The following DCHS1 variants were observed in gnomAD, a reference collection of about 807,000 sequenced individuals.
DCHS1 encodes the protein dachsous cadherin-related 1.
In DCHS1, 78 loss-of-function variants were observed where a neutral mutation model predicts 213.9. The ratio of observed to expected loss-of-function variants is 0.36; its 90% CI spans 0.30 to 0.44. The LOEUF is 0.44. Among genes scored for constraint, DCHS1 ranks in the 20% least tolerant of loss-of-function variants. The probability of loss-of-function intolerance (pLI) is 1.00; values close to 1 mark genes in which losing one functional copy is unlikely to be tolerated. For missense variants in DCHS1, 3,946 were observed against 4,395.9 expected, an observed-to-expected ratio of 0.90 and a Z score of 2.89; for synonymous variants, 1,828 against 1,873.7, an observed-to-expected ratio of 0.98 and a Z score of 0.63.
rs775773733 is a variant in DCHS1 at position 6,631,395 on chromosome 11, C to T, written c.3688G>A (p.Val1230Met). Residue 1230 changes from valine (V) to methionine (M), a missense_variant, in exon 8 of 21, where the codon GTG becomes ATG. Physicochemically the swap from Val to Met is conservative, Grantham distance 21. This residue lies in a region of DCHS1 where 3,384 missense variants were observed against 3,780.1 expected (regional missense o/e 0.90). Transcript: ENST00000299441. ...GTCGTCACCAGTGTTCCCGGAGGCA[C>T]GCGGTCTGGTACCTGTGGGAACACA... ...GGLPIQVPDR[V>M]PPGTLVTTLQ... 47 of 1,613,864 alleles carry T rather than the reference C, an allele frequency of 2.9e-5. No homozygotes were observed. Among genetic ancestry groups the T allele is most frequent in the African/African-American group, 1.1e-4 (8 of 74,936 alleles).
rs757447095 is a variant in DCHS1, at chr11:6,626,536, T to G, written c.6364+16A>C. The G allele has an allele frequency of 2.5e-6, 4 of 1,613,210 alleles. No homozygotes were observed. Among genetic ancestry groups the G allele is most frequent in the Non-Finnish European group, 3.4e-6 (4 of 1,179,152 alleles). ...AGTAGCCTGTCCTGCACAGAGCCCC[T>G]GCTCCTATTTCTTACCTGTACTAGG... is the stretch of plus-strand genomic sequence containing the variant. On this transcript the variant is annotated intron_variant, in intron 15 of 20. Coordinates refer to ENST00000299441, the MANE Select transcript of DCHS1 (RefSeq NM_003737.4). This position sits in a 1 kb window ranked among gnomAD's most constrained non-coding sequence, Gnocchi z 5.2.
chr11:6,634,195 C>T lies in DCHS1; in HGVS notation c.1909G>A (p.Asp637Asn). 2 of 1,613,908 alleles carry T rather than the reference C, an allele frequency of 1.2e-6. No individual in the cohort carries two copies. The highest frequency in any genetic ancestry group is 1.7e-6 in the Non-Finnish European group (2 of 1,179,830). Residue 637 changes from aspartate (D) to asparagine (N), a missense_variant, in exon 3 of 21, where the codon GAT becomes AAT. Asp to Asn is a conservative substitution (Grantham distance 23). Around this residue, in one of 3 missense-constraint regions of DCHS1, gnomAD observed 3,384 missense variants for 3,780.1 expected, o/e 0.90. Transcript: ENST00000299441. ...PPFRIDAHSG[D>N]VCTTRTLDRD... is the part of the protein sequence containing the mutation. ...TCCAGGGTCCGGGTTGTGCACACAT[C>T]ACCGCTGTGGGCATCAATGCGGAAT...
rs149077858 is a variant in DCHS1, at chr11:6,631,013, G to A, written c.3930+40C>T. 608 of 1,572,940 alleles carry A rather than the reference G, an allele frequency of 3.9e-4. No individual in the cohort carries two copies. The African/African-American group carries it at 6.6e-3, about 17-fold the overall frequency. ...CCGTGAAGCTGGAGCTACTGAAGGGGACCTACAGCGGTAGCCAAGGGGAGG... is the reference window on the plus strand; with the variant it reads ...CCGTGAAGCTGGAGCTACTGAAGGGAACCTACAGCGGTAGCCAAGGGGAGG... On this transcript the variant is annotated intron_variant, in intron 9 of 20. Transcript: ENST00000299441.
rs1041923763 is a variant in DCHS1, at chr11:6,655,640, C to T, written c.-198G>A. 4.1e-5 allele frequency: 40 copies of T among 978,430 alleles called. No individual in the cohort carries two copies. The highest frequency in any genetic ancestry group is 4.4e-5 in the Non-Finnish European group (36 of 826,670). The allele number at this position is 978,430 out of a possible 1,614,324, so 60.6% of individuals were successfully genotyped here. On this transcript the variant is annotated 5_prime_UTR_variant, in exon 1 of 21. Transcript: ENST00000299441. ...GTCAGCCCCCCGGGCAGCGCCCGCT[C>T]GCGCGGGGCCTGAGGCCGCGCATCG...
At chr11:6,637,233 C>G (rs1855998344) in intron 2 of DCHS1, among the ~76,000 whole-genome samples, 1 of 152,192 alleles carries the variant, frequency 6.6e-6, no homozygotes, top group Non-Finnish European at 1.5e-5. Context: ...ATTGGCACTA[C>G]TGACATTTTG....
Position 6,640,921 on chromosome 11 carries a change from A to G in DCHS1, c.693T>C (p.Gly231=). 1.9e-6 allele frequency: 3 copies of G among 1,613,972 alleles called. No individual in the cohort carries two copies. Among genetic ancestry groups the G allele is most frequent in the Non-Finnish European group, 2.5e-6 (3 of 1,179,876 alleles). The change falls in exon 2 of 21, where the codon GGT becomes GGC. Residue 231 remains glycine, a synonymous_variant. Transcript: ENST00000299441. This position sits in a 1 kb window ranked among gnomAD's most constrained non-coding sequence, Gnocchi z 6.5. ...YMLQLEAYDG[G]SPPRRAQALL... Reference sequence around the variant, plus strand: ...GGGCCTGGGCCCTCCGGGGGGGTGAACCACCATCATAGGCCTCCAGCTGTA... The same window carrying G: ...GGGCCTGGGCCCTCCGGGGGGGTGAGCCACCATCATAGGCCTCCAGCTGTA...
rs189033667 is a variant in DCHS1 at position 6,651,867 on chromosome 11, C to T, written c.-121+3696G>A. On this transcript the variant is annotated intron_variant, in intron 1 of 20. Transcript: ENST00000299441. ...AAGGAATGATGAGATCAGGTTTGCACATGATAAGGGGTCGGTGAGCTATAC... is the reference window on the plus strand; with the variant it reads ...AAGGAATGATGAGATCAGGTTTGCATATGATAAGGGGTCGGTGAGCTATAC... 2.0e-5 allele frequency among the ~76,000 whole-genome samples: 3 copies of T among 151,960 alleles called. No individual in the cohort carries two copies. In the East Asian group the frequency reaches 5.8e-4, roughly 29 times the overall value.
At position 6,629,825 on chromosome 11, in the gene DCHS1, G is replaced by A. The variant is rs1855870859; in HGVS notation, c.4882C>T (p.Pro1628Ser). 1.9e-6 allele frequency: 3 copies of A among 1,612,958 alleles called. No individual in the cohort carries two copies. Among genetic ancestry groups the A allele is most frequent in the Non-Finnish European group, 2.5e-6 (3 of 1,179,888 alleles). The change falls in exon 11 of 21, where the codon CCG (proline) becomes TCG (serine). Residue 1628 changes from proline to serine, a missense_variant. Around this residue, in one of 3 missense-constraint regions of DCHS1, gnomAD observed 3,384 missense variants for 3,780.1 expected, o/e 0.90. Transcript: ENST00000299441. ...TVVASDHGSP[P>S]RSATQVLTVS... Reference sequence around the variant, plus strand: ...GTCAGGACCTGCGTGGCCGAGCGCGGCGGGGAGCCGTGGTCTGAGGCCACC... The same window carrying A: ...GTCAGGACCTGCGTGGCCGAGCGCGACGGGGAGCCGTGGTCTGAGGCCACC...
Position 6,640,210 on chromosome 11 carries a change from A to C in DCHS1, c.1404T>G (p.Asn468Lys). 1 of 1,613,386 alleles carries C rather than the reference A, an allele frequency of 6.2e-7. No homozygotes were observed. The highest frequency in any genetic ancestry group is 8.5e-7 in the Non-Finnish European group (1 of 1,179,654). ...AGAGCTGGCGGTCAAAGGCAGGTGC[A>C]TTGTCGTTGACATCAGTGACGTGCA... ...FVLHVTDVND[N>K]APAFDRQLYR... The change falls in exon 2 of 21, where the codon AAT (asparagine) becomes AAG (lysine). Residue 468 changes from asparagine (N) to lysine (K), a missense_variant. Coordinates refer to ENST00000299441, the MANE Select transcript of DCHS1 (RefSeq NM_003737.4). This position sits in a 1 kb window ranked among gnomAD's most constrained non-coding sequence, Gnocchi z 6.5.
chr11:6,634,028 G>C lies in DCHS1; in HGVS notation c.1987-8C>G. 6.2e-7 allele frequency: 1 copy of C among 1,612,912 alleles called. No individual in the cohort carries two copies. The highest frequency in any genetic ancestry group is 8.5e-7 in the Non-Finnish European group (1 of 1,179,262). ...CATGGACTTGAGGCCTCCCTGGTGG[G>C]ACATGCAGCCATAGGTCAGGTGGGC... On this transcript the variant is annotated splice_polypyrimidine_tract_variant and splice_region_variant and intron_variant, in intron 3 of 20. Transcript: ENST00000299441.
intron 1 of DCHS1, among the ~76,000 whole-genome samples, chr11:6,654,821 C>T (rs1418527569): frequency 6.6e-6 from 1 of 152,094 alleles, no homozygotes; most frequent in Non-Finnish European, 1.5e-5. Flanking sequence ...GTGGGCCCAG[C>T]CCGCCACACT....
chr11:6,634,402 G>A, intron 2 of DCHS1, 96 bp from the exon 3 acceptor site: 2 of 1,374,724 alleles, frequency 1.5e-6, no homozygotes, highest in Admixed American at 2.6e-5. Flanking sequence ...CTAAGTCTCT[G>A]GATGGCGGAC....
Position 6,627,461 on chromosome 11 carries a change from A to T in DCHS1, c.5578T>A (p.Tyr1860Asn), listed in dbSNP as rs1369776293. Reference sequence around the variant, plus strand: ...ACATCCTCCGGCACCTCCACCGAGTAGGCAGGCACAGGAAAGGCTGGAGCA... The same window carrying T: ...ACATCCTCCGGCACCTCCACCGAGTTGGCAGGCACAGGAAAGGCTGGAGCA... ...DHAPAFPVPA[Y>N]SVEVPEDVPA... The change falls in exon 14 of 21, where the codon TAC (tyrosine) becomes AAC (asparagine). Residue 1860 changes from tyrosine to asparagine, a missense_variant. Coordinates refer to ENST00000299441, the MANE Select transcript of DCHS1 (RefSeq NM_003737.4). This position sits in a 1 kb window ranked among gnomAD's most constrained non-coding sequence, Gnocchi z 5.4. 6.2e-7 allele frequency: 1 copy of T among 1,611,272 alleles called. No homozygotes were observed.
At chr11:6,642,985 CTGTT>C (rs1564870152) in intron 1 of DCHS1, among the ~76,000 whole-genome samples, 1 of 152,020 alleles carries the variant, frequency 6.6e-6, no homozygotes, top group African/African-American at 2.4e-5. Flanking sequence ...GGCTTGCTGA[CTGTT>C]TGAAGTGAGG....
At position 6,621,757 on chromosome 11, in the gene DCHS1, C is replaced by T. The variant is rs532440674; in HGVS notation, c.*22G>A. On this transcript the variant is annotated 3_prime_UTR_variant, in exon 21 of 21. Coordinates refer to ENST00000299441, the MANE Select transcript of DCHS1 (RefSeq NM_003737.4). ...TGGGGACACTGTGCGCATCCCAGGTCGGGGCCCAGCCTGGGCCACAGCTAG... is the reference window on the plus strand; with the variant it reads ...TGGGGACACTGTGCGCATCCCAGGTTGGGGCCCAGCCTGGGCCACAGCTAG... 1.3e-5 allele frequency: 20 copies of T among 1,557,128 alleles called. No homozygotes were observed. The highest frequency in any genetic ancestry group is 1.2e-4 in the East Asian group (5 of 41,566).
rs1196568134 is a variant in DCHS1 at position 6,633,878 on chromosome 11, T to C, written c.2129A>G (p.His710Arg). The C allele has an allele frequency of 1.2e-6, 2 of 1,613,872 alleles. No individual in the cohort carries two copies. Among genetic ancestry groups the C allele is most frequent in the East Asian group, 2.2e-5 (1 of 44,900 alleles). ...PGTAVLRLRAHDPDQGSHGRL... is the reference protein window; with the variant it reads ...PGTAVLRLRARDPDQGSHGRL... ...CCCATGGGATCCCTGGTCAGGGTCATGGGCACGCAACCTCAGCACAGCTGT... is the reference window on the plus strand; with the variant it reads ...CCCATGGGATCCCTGGTCAGGGTCACGGGCACGCAACCTCAGCACAGCTGT... Residue 710 changes from histidine to arginine, a missense_variant, in exon 4 of 21, where the codon CAT (histidine) becomes CGT (arginine). Transcript: ENST00000299441.
chr11:6,626,647 G>C lies in DCHS1; in HGVS notation c.6269C>G (p.Pro2090Arg). The C allele has an allele frequency of 6.2e-7, 1 of 1,613,984 alleles. No homozygotes were observed. The highest frequency in any genetic ancestry group is 8.5e-7 in the Non-Finnish European group (1 of 1,179,888). The change falls in exon 15 of 21, where the codon CCC (proline) becomes CGC (arginine). Residue 2090 changes from proline to arginine, a missense_variant. By Grantham distance (103) the Pro-to-Arg change is moderately radical. This residue lies in a region of DCHS1 where 3,384 missense variants were observed against 3,780.1 expected (regional missense o/e 0.90). Transcript: ENST00000299441. The surrounding 1 kb of genome is among the most constrained non-coding windows in gnomAD (Gnocchi z 5.2). ...TGTGCCTCCTGCATGGACGGCCCTGGGGGAGACAATAGGAGTCCCTGCAGA... is the reference window on the plus strand; with the variant it reads ...TGTGCCTCCTGCATGGACGGCCCTGCGGGAGACAATAGGAGTCCCTGCAGA... ...NAPPGTPIVSPRAVHAGGTNG... is the reference protein window; with the variant it reads ...NAPPGTPIVSRRAVHAGGTNG...
chr11:6,631,285 C>A, intron 8 of DCHS1, 26 bp downstream of exon 8: 3 of 1,613,964 alleles, frequency 1.9e-6, no homozygotes, highest in Non-Finnish European at 2.5e-6. Flanking sequence ...CATCACCCAC[C>A]AATTCTCCTC....
Position 6,622,272 on chromosome 11 carries a change from A to T in DCHS1, c.9404T>A (p.Phe3135Tyr). The stretch of plus-strand genomic sequence containing the variant: ...CACACATGGCTTGCCATCTGCTGGG[A>T]AGCCATAGTCCCCAGTGGGTGCAGG... ...LSPAPTGDYG[F>Y]PADGKPCVAG... The change falls in exon 21 of 21, where the codon TTC (phenylalanine) becomes TAC (tyrosine). Residue 3135 changes from phenylalanine (F) to tyrosine (Y), a missense_variant. Transcript: ENST00000299441. This position sits in a 1 kb window ranked among gnomAD's most constrained non-coding sequence, Gnocchi z 5.4. 1 of 1,606,300 alleles carries T rather than the reference A, an allele frequency of 6.2e-7. No individual in the cohort carries two copies. Among genetic ancestry groups the T allele is most frequent in the Non-Finnish European group, 8.5e-7 (1 of 1,177,182 alleles).
Sources: allele counts gnomAD v4.1 joint callset (sites outside exome capture counted in the v4.1 genomes callset), GRCh38; gene constraint gnomAD v4.1.1; regional missense constraint gnomAD v4.1.1; non-coding constraint Gnocchi (gnomAD v3.1); transcripts MANE v1.5; gene names NCBI Gene and HGNC (gene_info 2026-07-23, HGNC 2026-07-21).